TRIO: variants seen among roughly 807,000 people sequenced by gnomAD.
TRIO encodes the protein triple functional domain protein.
Under a neutral mutation model 351.9 loss-of-function variants are expected in TRIO, and 58 were observed. The observed-to-expected ratio is 0.16, with a 90% CI of 0.13 to 0.21. The LOEUF is 0.21. Ranked by LOEUF, TRIO falls within the 10% of genes least tolerant of loss-of-function variation. TRIO has a pLI of 1.00. For synonymous variants in TRIO, 1,758 were observed against 1,595.7 expected (o/e 1.10, Z -2.42); for missense variants, 3,201 against 4,027.8 (o/e 0.79, Z 5.56).
chr5:14,154,312 T>C (rs1787985428), intron 1 of TRIO, among the ~76,000 whole-genome samples: 1 of 152,138 alleles, frequency 6.6e-6, no homozygotes, highest in Admixed American at 6.5e-5. Context: ...CAGGGCTTCC[T>C]TTCTAACTTA....
chr5:14,162,982 TTTTGTTTG>T (rs1219057008), intron 1 of TRIO, among the ~76,000 whole-genome samples: 6 of 152,192 alleles, frequency 3.9e-5, no homozygotes, highest in Middle Eastern at 3.4e-3. Context: ...AATTTTTATT[TTTTGTTTG>T]TTTGTTTTTT....
intron 34 of TRIO, among the ~76,000 whole-genome samples, chr5:14,442,211 C>T (rs1259619297): frequency 6.6e-6 from 1 of 152,248 alleles, no homozygotes; most frequent in Non-Finnish European, 1.5e-5. Context: ...GGGTCACTTT[C>T]AGTGTTTGCC....
At chr5:14,315,881 G>A (rs371654896) in intron 8 of TRIO, among the ~76,000 whole-genome samples, 4 of 152,232 alleles carry the variant, frequency 2.6e-5, no homozygotes, top group African/African-American at 7.2e-5. Flanking sequence ...CCATAATATA[G>A]CACTTGATGG....
chr5:14,260,427 A>T (rs1795279162), intron 1 of TRIO, among the ~76,000 whole-genome samples: 1 of 152,336 alleles, frequency 6.6e-6, no homozygotes, highest in South Asian at 2.1e-4. Context: ...CATTTAGGGG[A>T]AAAATCTCTG....
intron 1 of TRIO, among the ~76,000 whole-genome samples, chr5:14,231,420 C>A (rs1581404158): frequency 6.6e-6 from 1 of 152,206 alleles, no homozygotes; most frequent in Admixed American, 6.5e-5. Flanking sequence ...ATAATCACTA[C>A]TTAATTTTCC....
chr5:14,254,417 T>A (rs901366128), intron 1 of TRIO, among the ~76,000 whole-genome samples: 2 of 152,194 alleles, frequency 1.3e-5, no homozygotes, highest in Non-Finnish European at 2.9e-5. Flanking sequence ...CAGTAGTTTT[T>A]AAGAGGTATA....
intron 1 of TRIO, among the ~76,000 whole-genome samples, chr5:14,144,393 G>T (rs1017213678): frequency 2.0e-5 from 3 of 152,196 alleles, no homozygotes; most frequent in Non-Finnish European, 2.9e-5. Flanking sequence ...TAGCAGCCGG[G>T]TTTCTTTGCT....
chr5:14,439,107 C>G (rs1283842397), intron 34 of TRIO, among the ~76,000 whole-genome samples: 1 of 152,202 alleles, frequency 6.6e-6, no homozygotes, highest in Non-Finnish European at 1.5e-5. Context: ...CCTCCACCTC[C>G]TGGGTTCAAG....
intron 1 of TRIO, among the ~76,000 whole-genome samples, chr5:14,155,454 G>A (rs559418602): frequency 5.3e-5 from 8 of 152,212 alleles, no homozygotes; most frequent in African/African-American, 1.7e-4. Flanking sequence ...AATTGTCTCA[G>A]GATTGTCCTT....
intron 34 of TRIO, among the ~76,000 whole-genome samples, chr5:14,456,963 C>T (rs1753358849): frequency 1.3e-5 from 2 of 152,116 alleles, no homozygotes; most frequent in South Asian, 4.1e-4. Flanking sequence ...CAGCAAAGAG[C>T]ATAGACATGG....
chr5:14,404,521 C>T (rs1374558436), intron 31 of TRIO, among the ~76,000 whole-genome samples: 1 of 152,142 alleles, frequency 6.6e-6, no homozygotes, highest in Admixed American at 6.5e-5. Flanking sequence ...CAAACTCTGC[C>T]AGTTGTTCTT....
At chr5:14,504,908 G>A (rs1376416646) in intron 55 of TRIO, among the ~76,000 whole-genome samples, 3 of 149,148 alleles carry the variant, frequency 2.0e-5, no homozygotes, top group Admixed American at 1.3e-4. Flanking sequence ...GGCTGTCTCT[G>A]GTGCTGAACC....
intron 24 of TRIO, among the ~76,000 whole-genome samples, chr5:14,389,086 G>A (rs1746819605): frequency 6.6e-6 from 1 of 152,212 alleles, no homozygotes. Flanking sequence ...TTTTAGAGTT[G>A]AAAAGTATAG....
intron 1 of TRIO, among the ~76,000 whole-genome samples, chr5:14,225,803 C>A (rs1398468007): frequency 2.1e-5 from 3 of 143,302 alleles, no homozygotes; most frequent in East Asian, 4.1e-4. Context: ...CCCCCCCCCC[C>A]ACCTCCAAGC....
At chr5:14,246,439 T>C (rs1794439917) in intron 1 of TRIO, among the ~76,000 whole-genome samples, 1 of 152,218 alleles carries the variant, frequency 6.6e-6, no homozygotes, top group Non-Finnish European at 1.5e-5. Context: ...AGGAATAGGC[T>C]TCACTTTCCC....
chr5:14,483,959 G>A (rs1361664164), intron 46 of TRIO, among the ~76,000 whole-genome samples: 1 of 151,816 alleles, frequency 6.6e-6, no homozygotes, highest in African/African-American at 2.4e-5. Context: ...CATACGCTGA[G>A]CCGCACCCAT....
intron 53 of TRIO, among the ~76,000 whole-genome samples, chr5:14,501,968 C>A (rs183905582): frequency 2.7e-4 from 41 of 152,342 alleles, no homozygotes; most frequent in Admixed American, 2.5e-3. Flanking sequence ...CTTTCTGTTC[C>A]TGTGGACATG....
intron 24 of TRIO, among the ~76,000 whole-genome samples, 170 bp downstream of exon 24, chr5:14,388,849 A>G (rs926005700): frequency 2.6e-5 from 4 of 152,134 alleles, no homozygotes; most frequent in Non-Finnish European, 5.9e-5. Context: ...GCACTTCTGT[A>G]GAGTTCTAGG....
chr5:14,386,713 T>G (rs1415368614), intron 21 of TRIO, among the ~76,000 whole-genome samples: 2 of 152,236 alleles, frequency 1.3e-5, no homozygotes, highest in African/African-American at 4.8e-5. Context: ...TGTTGTATGG[T>G]TGTCTGTGTA....
Sources: allele counts gnomAD v4.1 joint callset (sites outside exome capture counted in the v4.1 genomes callset), GRCh38; gene constraint gnomAD v4.1.1; transcripts MANE v1.5; gene names NCBI Gene and HGNC (gene_info 2026-07-23, HGNC 2026-07-21).